The following RNF125 variants were observed in gnomAD, a reference collection of about 807,000 sequenced individuals.
The protein encoded by RNF125 is E3 ubiquitin-protein ligase RNF125.
In RNF125, 21 loss-of-function variants were observed where a neutral mutation model predicts 26.0. The ratio of observed to expected loss-of-function variants is 0.81; its 90% CI spans 0.57 to 1.16. The LOEUF (loss-of-function observed/expected upper bound fraction) is 1.16, where lower values mean the gene tolerates loss of function less well. Ranked by LOEUF, RNF125 falls within the 50% of genes most tolerant of loss-of-function variation. The pLI is 0.00. For synonymous variants in RNF125, 95 were observed against 109.2 expected, an observed-to-expected ratio of 0.87 and a Z score of 0.81; for missense variants, 270 against 299.4, an observed-to-expected ratio of 0.90 and a Z score of 0.72.
rs1228986630 is a variant in RNF125, at chr18:32,072,159, C to T, written c.*3775C>T. 1 of 152,158 alleles carries T rather than the reference C, an allele frequency of 6.6e-6. No individual in the cohort carries two copies. The highest frequency in any genetic ancestry group is 2.4e-5 in the African/African-American group (1 of 41,432). 9.4% of individuals were successfully genotyped at this position (152,158 alleles called of 1,614,324 possible). On this transcript the variant is annotated 3_prime_UTR_variant, in exon 6 of 6. Transcript: ENST00000217740. ...AACACTGCAGTGAGCTATGATCATG[C>T]TACTGCCCTCCAGCCTGGGCAACAG...
chr18:32,019,500 T>G (rs1352612548), intron 1 of RNF125, among the ~76,000 whole-genome samples: 2 of 152,202 alleles, frequency 1.3e-5, no homozygotes, highest in Admixed American at 6.5e-5. Context: ...CGGGTCCGTT[T>G]TGTTTTGCTG....
chr18:32,048,441 A>AAG (rs1341905429), intron 4 of RNF125, among the ~76,000 whole-genome samples: 1 of 140,310 alleles, frequency 7.1e-6, no homozygotes, highest in African/African-American at 2.7e-5. Flanking sequence ...AACAAACAAA[A>AAG]AAACCCAAAA....
chr18:32,078,472 G>A, the RNF125 span, among the ~76,000 whole-genome samples: 44 of 151,702 alleles, frequency 2.9e-4, no homozygotes, highest in Non-Finnish European at 4.6e-4. Context: ...AATAAAGATC[G>A]GTGAATACAT....
the RNF125 span, among the ~76,000 whole-genome samples, chr18:32,078,412 A>G: frequency 1.6e-5 from 2 of 128,824 alleles, no homozygotes; most frequent in Non-Finnish European, 3.6e-5. Context: ...TGTCACTGTC[A>G]TTAGATAGGT....
chr18:32,063,535 TATACTTATC>T lies in RNF125; in HGVS notation c.505-2363_505-2355del, dbSNP rs139606616. On this transcript the variant is annotated intron_variant, in intron 4 of 5. Transcript: ENST00000217740. Reference sequence around the variant, plus strand: ...TGGCAATATTTTACAAAGTTAAACATATACTTATCATATAACCAGGCAATCACACTCCTG... The same window carrying T: ...TGGCAATATTTTACAAAGTTAAACATATATAACCAGGCAATCACACTCCTG... 2.4e-3 allele frequency among the ~76,000 whole-genome samples: 358 copies of T among 152,302 alleles called. 4 individuals carry two copies. The highest frequency in any genetic ancestry group is 8.2e-3 in the African/African-American group (339 of 41,552).
At chr18:32,032,409 C>T (rs2039106263) in intron 1 of RNF125, among the ~76,000 whole-genome samples, 1 of 151,250 alleles carries the variant, frequency 6.6e-6, no homozygotes, top group Non-Finnish European at 1.5e-5. Flanking sequence ...GACGGTTTCA[C>T]TCTGTGTTGG....
downstream of RNF125, among the ~76,000 whole-genome samples, chr18:32,076,685 C>T (rs1468651173): frequency 6.6e-6 from 1 of 152,128 alleles, no homozygotes; most frequent in Non-Finnish European, 1.5e-5. Flanking sequence ...CTGGTCCCTG[C>T]CCACTCTCCA....
At chr18:32,068,209 C>G (rs1384572187) in intron 5 of RNF125, 89 bp from the exon 6 acceptor site, 3 of 690,900 alleles carry the variant, frequency 4.3e-6, no homozygotes, top group Non-Finnish European at 7.5e-6. Flanking sequence ...TAGTTCCCTA[C>G]AAAATGAGGG....
chr18:32,032,452 A>C (rs976786022), intron 1 of RNF125, among the ~76,000 whole-genome samples: 4 of 151,264 alleles, frequency 2.6e-5, no homozygotes, highest in Non-Finnish European at 5.9e-5. Flanking sequence ...ACCTCAGGTG[A>C]GCCACCTACC....
chr18:32,082,058 A>G, the RNF125 span, among the ~76,000 whole-genome samples: 11 of 152,318 alleles, frequency 7.2e-5, no homozygotes, highest in African/African-American at 2.4e-4. Flanking sequence ...AGTGGGAAGG[A>G]ATGAATGGAA....
chr18:32,084,582 A>T, the RNF125 span, among the ~76,000 whole-genome samples: 2 of 152,084 alleles, frequency 1.3e-5, no homozygotes, highest in Non-Finnish European at 2.9e-5. Flanking sequence ...GGCAAGGGAG[A>T]AGGTGGCTGC....
intron 4 of RNF125, among the ~76,000 whole-genome samples, chr18:32,048,465 A>G (rs995869654): frequency 4.6e-5 from 7 of 151,778 alleles, no homozygotes; most frequent in Non-Finnish European, 1.0e-4. Context: ...CCTGTCTCAA[A>G]AAAAAAGAGA....
In RNF125 at chr18:32,067,635, C is replaced by T. The variant is rs1043886561; in HGVS notation, c.613-663C>T. On this transcript the variant is annotated intron_variant, in intron 5 of 5. Transcript: ENST00000217740. ...GTTAACTGAATTATCTAAGAACAAG[C>T]CAGTATCAAGACCAAACCTTGTGTT... Among the ~76,000 whole-genome samples the T allele has an allele frequency of 1.3e-4, 20 of 152,268 alleles. No homozygotes were observed. In the East Asian group the frequency reaches 3.7e-3, roughly 28 times the overall value.
chr18:32,037,360 G>A (rs2039167606), intron 2 of RNF125, 91 bp downstream of exon 2: 7 of 392,164 alleles, frequency 1.8e-5, no homozygotes, highest in South Asian at 5.2e-5. Flanking sequence ...CCCATGGTAC[G>A]CACCTTTTTT....
At chr18:32,029,104 A>T (rs368026101) in intron 1 of RNF125, among the ~76,000 whole-genome samples, 1 of 152,158 alleles carries the variant, frequency 6.6e-6, no homozygotes, top group South Asian at 2.1e-4. Flanking sequence ...CATTTCTAAG[A>T]TGTCTCATAT....
At chr18:32,079,482 T>G in the RNF125 span, among the ~76,000 whole-genome samples, 1 of 152,224 alleles carries the variant, frequency 6.6e-6, no homozygotes, top group Non-Finnish European at 1.5e-5. Context: ...AGCTTTTCAG[T>G]GTATTTTCTT....
At chr18:32,083,362 A>G in the RNF125 span, among the ~76,000 whole-genome samples, 1 of 152,204 alleles carries the variant, frequency 6.6e-6, no homozygotes, top group Non-Finnish European at 1.5e-5. Flanking sequence ...GGGACTTTGG[A>G]TTACCTCCTT....
rs187133155 is a variant in RNF125, at chr18:32,053,904, G to C, written c.504+8172G>C. Reference sequence around the variant, plus strand: ...GGTAAGGACCAGTTCAGAAAGACTAGGGGGGGAGACAGGGTATTTGACTCC... The same window carrying C: ...GGTAAGGACCAGTTCAGAAAGACTACGGGGGGAGACAGGGTATTTGACTCC... On this transcript the variant is annotated intron_variant, in intron 4 of 5. Coordinates refer to ENST00000217740, the MANE Select transcript of RNF125 (RefSeq NM_017831.4). Among the ~76,000 whole-genome samples, 29 of 152,036 alleles carry C rather than the reference G, an allele frequency of 1.9e-4. No individual in the cohort carries two copies. In the East Asian group the frequency reaches 4.3e-3, roughly 22 times the overall value.
At chr18:32,080,791 G>T in the RNF125 span, among the ~76,000 whole-genome samples, 1 of 152,244 alleles carries the variant, frequency 6.6e-6, no homozygotes, top group Non-Finnish European at 1.5e-5. Context: ...CGGGAGAATG[G>T]CGTGAACCCG....
Sources: allele counts gnomAD v4.1 joint callset (sites outside exome capture counted in the v4.1 genomes callset), GRCh38; gene constraint gnomAD v4.1.1; transcripts MANE v1.5; gene names NCBI Gene and HGNC (gene_info 2026-07-23, HGNC 2026-07-21).